MYSM1: variants seen among roughly 807,000 people sequenced by gnomAD.
MYSM1 encodes the protein deubiquitinase MYSM1.
In MYSM1, 51 loss-of-function variants were observed where a neutral mutation model predicts 116.0. The observed-to-expected ratio is 0.44, with a 90% confidence interval of 0.35 to 0.56. The LOEUF (loss-of-function observed/expected upper bound fraction) is 0.56, where lower values mean the gene tolerates loss of function less well. Among genes scored for constraint, MYSM1 ranks in the 20% least tolerant of loss-of-function variants. The probability of loss-of-function intolerance (pLI) is 0.00; values close to 1 mark genes in which losing one functional copy is unlikely to be tolerated. For missense variants in MYSM1, 900 were observed against 974.9 expected (o/e 0.92, Z 1.02); for synonymous variants, 313 against 315.2 (o/e 0.99, Z 0.07).
chr1:58,693,265 C>T lies in MYSM1; in HGVS notation c.148-334G>A, dbSNP rs571267061. Among the ~76,000 whole-genome samples the T allele has an allele frequency of 2.0e-5, 3 of 152,330 alleles. No individual in the cohort carries two copies. The South Asian group carries it at 6.2e-4, about 32-fold the overall frequency. ...TAGGCATCAGACACTCTGTCAGACA[C>T]TTAACCTCTTTCCAAAACTCACCAC... On this transcript the variant is annotated intron_variant, in intron 2 of 19. Coordinates refer to ENST00000472487, the MANE Select transcript of MYSM1 (RefSeq NM_001085487.3).
chr1:58,692,936 T>TA lies in MYSM1; in HGVS notation c.148-6dup, dbSNP rs773539657. On this transcript the variant is annotated splice_polypyrimidine_tract_variant and splice_region_variant and intron_variant, in intron 2 of 19. Transcript: ENST00000472487. ...GGTGTTATCCAAGGTCCAAGGCTAT[T>TA]AAAAAAGAGAATATATTTGTCTTTT... 2.0e-5 allele frequency: 32 copies of TA among 1,585,438 alleles called. No individual in the cohort carries two copies. The highest frequency in any genetic ancestry group is 3.5e-5 in the South Asian group (3 of 85,564).
In MYSM1 at chr1:58,682,503, C is replaced by T. The variant is rs748536103; in HGVS notation, c.541G>A (p.Gly181Ser). The change falls in exon 8 of 20, where the codon GGC becomes AGC. Residue 181 changes from glycine (G) to serine (S), a missense_variant. This residue lies in a region of MYSM1 where 622 missense variants were observed against 623.7 expected (regional missense o/e 1.00). Transcript: ENST00000472487. ...TCATTTTTAACTTGAAGATTATGGC[C>T]GGTCTTCTGATTTGGTGTTTCTTTA... ...LDKETPNQKT[G>S]HNLQVKNEDK... is the part of the protein sequence containing the mutation. The T allele has an allele frequency of 1.5e-5, 25 of 1,613,052 alleles. No individual in the cohort carries two copies. In the Admixed American group the frequency reaches 2.7e-4, roughly 17 times the overall value.
chr1:58,664,456 T>G (rs1216940897), intron 17 of MYSM1, among the ~76,000 whole-genome samples: 1 of 152,240 alleles, frequency 6.6e-6, no homozygotes, highest in Non-Finnish European at 1.5e-5. Flanking sequence ...ACACAGTCCC[T>G]GCTCTTTGGG....
intron 10 of MYSM1, 54 bp from the exon 11 acceptor site, chr1:58,673,704 A>C: frequency 1.4e-6 from 2 of 1,406,594 alleles, no homozygotes; most frequent in Non-Finnish European, 2.0e-6. Context: ...TGGAGAAATC[A>C]TAGCACATTA....
At chr1:58,698,104 T>TATATATATATA (rs1557530217) in intron 1 of MYSM1, among the ~76,000 whole-genome samples, 2 of 11,352 alleles carry the variant, frequency 1.8e-4, no homozygotes, top group South Asian at 1.8e-3. Context: ...ATATATATAT[T>TATATATATATA]TTTTTTTTTT....
rs1363632425 is a variant in MYSM1 at position 58,667,906 on chromosome 1, T to C, written c.1783A>G (p.Met595Val). 67 of 1,612,402 alleles carry C rather than the reference T, an allele frequency of 4.2e-5. No homozygotes were observed. Among genetic ancestry groups the C allele is most frequent in the East Asian group, 6.7e-5 (3 of 44,840 alleles). Residue 595 changes from methionine (M) to valine (V), a missense_variant, in exon 15 of 20, where the codon ATG (methionine) becomes GTG (valine). By Grantham distance (21) the Met-to-Val change is conservative. Coordinates refer to ENST00000472487, the MANE Select transcript of MYSM1 (RefSeq NM_001085487.3). ...CCTAACAGACCAATCACTTCTGCCA[T>C]AGAAACATGAGCATGCTAAAAGAAA... ...LIMDLHAHVS[M>V]AEVIGLLGGR...
chr1:58,661,543 A>C (rs1259949869), intron 17 of MYSM1, 32 bp from the exon 18 acceptor site: 3 of 1,210,420 alleles, frequency 2.5e-6, no homozygotes, highest in Middle Eastern at 2.1e-4. Flanking sequence ...CATTGTCATC[A>C]ACTATTTCTT....
rs963911157 is a variant in MYSM1 at position 58,666,970 on chromosome 1, T to C, written c.2031+68A>G. 1.4e-5 allele frequency: 10 copies of C among 696,976 alleles called. No homozygotes were observed. The African/African-American group carries it at 2.0e-4, about 14-fold the overall frequency. The allele number at this position is 696,976 out of a possible 1,614,324, so 43.2% of individuals were successfully genotyped here. A position where few individuals can be genotyped will look rare whatever the true frequency, so the allele number is the denominator to read the frequency against. ...TGTAATATGAAAAATGTTTAAAGTTTATCTATTTAAAAGGGAGCATTGAGG... is the reference window on the plus strand; with the variant it reads ...TGTAATATGAAAAATGTTTAAAGTTCATCTATTTAAAAGGGAGCATTGAGG... On this transcript the variant is annotated intron_variant, in intron 16 of 19. Transcript: ENST00000472487.
At chr1:58,676,405 GAAA>G (rs66986748) in intron 9 of MYSM1, among the ~76,000 whole-genome samples, 3 of 91,336 alleles carry the variant, frequency 3.3e-5, no homozygotes, top group Non-Finnish European at 4.6e-5. Context: ...AACAGAGCGA[GAAA>G]AAAAAAAAAA....
At chr1:58,673,447 T>G (rs1265896110) in intron 11 of MYSM1, 126 bp downstream of exon 11, 1 of 785,402 alleles carries the variant, frequency 1.3e-6, no homozygotes, top group Non-Finnish European at 2.0e-6. Flanking sequence ...CCAGACAAAT[T>G]AACATGGGAA....
chr1:58,695,649 A>C (rs1644963274), intron 1 of MYSM1, among the ~76,000 whole-genome samples: 1 of 137,884 alleles, frequency 7.3e-6, no homozygotes, highest in Non-Finnish European at 1.6e-5. Flanking sequence ...AGCACCACCT[A>C]TAAAATGAAA....
At chr1:58,677,343 T>G (rs1644669736) in intron 8 of MYSM1, among the ~76,000 whole-genome samples, 1 of 152,144 alleles carries the variant, frequency 6.6e-6, no homozygotes, top group Non-Finnish European at 1.5e-5. Context: ...ATTCAGAAAT[T>G]TATGTACAGA....
At chr1:58,681,417 GTCA>G (rs1644739785) in intron 8 of MYSM1, among the ~76,000 whole-genome samples, 1 of 152,160 alleles carries the variant, frequency 6.6e-6, no homozygotes, top group African/African-American at 2.4e-5. Context: ...TACTACTGCT[GTCA>G]TCAAATTTTT....
chr1:58,657,715 ATACTT>A lies in MYSM1; in HGVS notation c.*2277_*2281del, dbSNP rs1644337382. 6.6e-6 allele frequency: 1 copy of A among 152,202 alleles called. No homozygotes were observed. Among genetic ancestry groups the A allele is most frequent in the African/African-American group, 2.4e-5 (1 of 41,452 alleles). 9.4% of individuals were successfully genotyped at this position (152,202 alleles called of 1,614,324 possible). On this transcript the variant is annotated 3_prime_UTR_variant, in exon 20 of 20. Transcript: ENST00000472487. ...TTCACACTTCTCTGTATTTTAAAAT[ATACTT>A]TACAAGACAAATGTACTCTATAGTC... is the stretch of plus-strand genomic sequence containing the variant.
intron 7 of MYSM1, 62 bp downstream of exon 7, chr1:58,685,091 A>T: frequency 7.5e-7 from 1 of 1,340,182 alleles, no homozygotes; most frequent in Non-Finnish European, 1.0e-6. Context: ...TTAAAGAAAT[A>T]CTTCTGCTTA....
Position 58,661,528 on chromosome 1 carries a change from A to C in MYSM1, c.2165-17T>G, listed in dbSNP as rs1449344787. 3 of 1,351,578 alleles carry C rather than the reference A, an allele frequency of 2.2e-6. No individual in the cohort carries two copies. The highest frequency in any genetic ancestry group is 1.4e-5 in the African/African-American group (1 of 69,572). 83.7% of individuals were successfully genotyped at this position (1,351,578 alleles called of 1,614,324 possible). On this transcript the variant is annotated splice_polypyrimidine_tract_variant and intron_variant, in intron 17 of 19. Transcript: ENST00000472487. The stretch of plus-strand genomic sequence containing the variant: ...AAGGTAAGCCTAGAAAAGCATAAAG[A>C]AGCACATTGTCATCAACTATTTCTT...
chr1:58,686,894 G>A (rs975259020), intron 6 of MYSM1, among the ~76,000 whole-genome samples: 14 of 151,660 alleles, frequency 9.2e-5, no homozygotes, highest in African/African-American at 3.2e-4. Flanking sequence ...AGCTACTCAG[G>A]AGACTGAGGC....
intron 12 of MYSM1, among the ~76,000 whole-genome samples, chr1:58,670,544 T>C (rs1185164853): frequency 6.6e-6 from 1 of 152,070 alleles, no homozygotes. Flanking sequence ...TGAAAAGTCA[T>C]GATAAGTAGA....
chr1:58,689,841 T>G (rs1263103014), intron 5 of MYSM1, among the ~76,000 whole-genome samples: 1 of 152,216 alleles, frequency 6.6e-6, no homozygotes, highest in Non-Finnish European at 1.5e-5. Flanking sequence ...AGTTAATTTC[T>G]CCAGATAATT....
Sources: gnomAD v4.1 joint callset for allele counts (sites outside exome capture counted in the v4.1 genomes callset) on GRCh38, gnomAD v4.1.1 for gene constraint, gnomAD v4.1.1 regional missense constraint, MANE v1.5 for transcripts, NCBI Gene and HGNC (gene_info 2026-07-23, HGNC 2026-07-21) for gene names.